EED: variants seen among roughly 807,000 people sequenced by gnomAD.
EED encodes embryonic ectoderm development.
EED carries 9 observed loss-of-function variants against 61.0 expected under a neutral mutation model. That is an observed-to-expected ratio of 0.15 (90% CI 0.09 to 0.26). EED has a LOEUF of 0.26. EED is among the 10% of genes least tolerant of loss of function. The pLI is 1.00. For missense variants in EED, 315 were observed against 542.3 expected (o/e 0.58, Z 4.16); for synonymous variants, 187 against 174.4 (o/e 1.07, Z -0.57).
intron 2 of EED, among the ~76,000 whole-genome samples, 167 bp from the exon 3 acceptor site, chr11:86,251,981 A>G (rs1414136347): frequency 6.6e-6 from 1 of 152,244 alleles, no homozygotes; most frequent in Non-Finnish European, 1.5e-5. Flanking sequence ...AAATGTGAAA[A>G]CTAGACTAGT....
intron 6 of EED, among the ~76,000 whole-genome samples, chr11:86,260,004 G>A (rs1427527407): frequency 2.0e-5 from 3 of 152,160 alleles, no homozygotes; most frequent in African/African-American, 4.8e-5. Flanking sequence ...ATATCCTAGG[G>A]TTGTGTGGGT....
At chr11:86,277,288 A>C in intron 10 of EED, 150 bp downstream of exon 10, 1 of 667,894 alleles carries the variant, frequency 1.5e-6, no homozygotes, top group Admixed American at 3.4e-5. Context: ...GTCATTCATC[A>C]AATACTTTGG....
At chr11:86,263,259 C>G (rs1274298973) in intron 6 of EED, among the ~76,000 whole-genome samples, 3 of 152,230 alleles carry the variant, frequency 2.0e-5, no homozygotes, top group Non-Finnish European at 4.4e-5. Flanking sequence ...GATAAAGGCT[C>G]TGCCTGAAGC....
intron 6 of EED, among the ~76,000 whole-genome samples, chr11:86,257,889 A>AT (rs1469525444): frequency 1.3e-5 from 2 of 151,952 alleles, no homozygotes; most frequent in East Asian, 1.9e-4. Flanking sequence ...AATCCTTCTC[A>AT]TTTTTTTCTT....
chr11:86,255,427 C>T (rs1945643646), intron 4 of EED, 140 bp downstream of exon 4: 3 of 658,500 alleles, frequency 4.6e-6, no homozygotes, highest in Non-Finnish European at 7.5e-6. Flanking sequence ...CCAAGAGAAT[C>T]CTGTATCTAG....
At chr11:86,264,294 C>A in intron 7 of EED, 31 bp downstream of exon 7, 2 of 1,518,450 alleles carry the variant, frequency 1.3e-6, no homozygotes, top group Non-Finnish European at 9.1e-7. Flanking sequence ...CAATGACTTT[C>A]AGGTTTACAT....
At chr11:86,286,971 CA>C in the EED span, among the ~76,000 whole-genome samples, 2,975 of 68,148 alleles carry the variant, frequency 0.044, 6 homozygotes, top group African/African-American at 0.067. Flanking sequence ...GACTCCGTCT[CA>C]AAAAAAAAAA....
intron 1 of EED, among the ~76,000 whole-genome samples, chr11:86,248,708 T>C (rs1945450428): frequency 6.6e-6 from 1 of 152,120 alleles, no homozygotes; most frequent in South Asian, 2.1e-4. Context: ...TACATGTCTA[T>C]CAGTTATTCA....
At chr11:86,249,099 T>C (rs1175112455) in intron 1 of EED, among the ~76,000 whole-genome samples, 5 of 152,206 alleles carry the variant, frequency 3.3e-5, no homozygotes. Context: ...TCCACTGAGA[T>C]ACAGAATTGT....
At chr11:86,266,470 A>G (rs992863916) in intron 8 of EED, among the ~76,000 whole-genome samples, 1 of 152,048 alleles carries the variant, frequency 6.6e-6, no homozygotes, top group Non-Finnish European at 1.5e-5. Flanking sequence ...ACTTATTTGT[A>G]TTTTGGTATG....
chr11:86,260,928 T>G (rs1302868776), intron 6 of EED, among the ~76,000 whole-genome samples: 3 of 152,120 alleles, frequency 2.0e-5, no homozygotes, highest in Non-Finnish European at 4.4e-5. Flanking sequence ...TTTTTTTTTT[T>G]TAATATATAA....
At chr11:86,268,195 G>T (rs1398197816) in intron 8 of EED, 2 of 255,892 alleles carry the variant, frequency 7.8e-6, no homozygotes, top group Non-Finnish European at 1.5e-5. Flanking sequence ...ATAGTAAAAC[G>T]CAGGAAACTA....
Position 86,256,399 on chromosome 11 carries a change from T to C in EED, c.439T>C (p.Phe147Leu). The C allele has an allele frequency of 6.3e-7, 1 of 1,586,180 alleles. No homozygotes were observed. Reference protein sequence around the residue: ...SYVDADADENFYTCAWTYDSN... With the variant: ...SYVDADADENLYTCAWTYDSN... ...TGGAATTTCTTAGGCTGATGAAAAC[T>C]TTTACACTTGTGCATGGACCTATGA... The change falls in exon 5 of 12, where the codon TTT becomes CTT. Residue 147 changes from phenylalanine (F) to leucine (L), a missense_variant. Physicochemically the swap from Phe to Leu is conservative, Grantham distance 22 (BLOSUM62 0). Around this residue, in one of 2 missense-constraint regions of EED, gnomAD observed 205 missense variants for 455.4 expected, o/e 0.45. Coordinates refer to ENST00000263360, the MANE Select transcript of EED (RefSeq NM_003797.5).
downstream of EED, among the ~76,000 whole-genome samples, chr11:86,281,489 T>C (rs1191006336): frequency 2.6e-5 from 4 of 152,206 alleles, no homozygotes; most frequent in Non-Finnish European, 5.9e-5. Flanking sequence ...GTTTGTTCTT[T>C]TTCTAGTTCC....
At chr11:86,262,390 A>G (rs1272631400) in intron 6 of EED, among the ~76,000 whole-genome samples, 1 of 152,162 alleles carries the variant, frequency 6.6e-6, no homozygotes, top group Non-Finnish European at 1.5e-5. Flanking sequence ...GCCTTCCACA[A>G]AGTCCTAGGG....
chr11:86,284,414 A>G, the EED span: 4 of 152,222 alleles, frequency 2.6e-5, no homozygotes, highest in Admixed American at 1.3e-4. Flanking sequence ...CATGGACCTC[A>G]TTTCCTTCCT....
chr11:86,275,620 G>A (rs1032275678), intron 9 of EED, among the ~76,000 whole-genome samples: 8 of 152,100 alleles, frequency 5.3e-5, no homozygotes, highest in African/African-American at 1.7e-4. Context: ...TTCTTCACCG[G>A]TGCAGTTAGT....
intron 8 of EED, chr11:86,268,201 A>C: frequency 3.5e-6 from 1 of 281,994 alleles, no homozygotes; most frequent in Non-Finnish European, 6.5e-6. Flanking sequence ...AAACGCAGGA[A>C]ACTACAATGT....
intron 9 of EED, among the ~76,000 whole-genome samples, chr11:86,273,407 TCA>T (rs1296820890): frequency 6.6e-6 from 1 of 152,262 alleles, no homozygotes; most frequent in East Asian, 1.9e-4. Flanking sequence ...GAGAACCATA[TCA>T]GTTTTTTTGT....
Sources: gnomAD v4.1 joint callset for allele counts (sites outside exome capture counted in the v4.1 genomes callset) on GRCh38, gnomAD v4.1.1 for gene constraint, gnomAD v4.1.1 regional missense constraint, MANE v1.5 for transcripts, NCBI Gene and HGNC (gene_info 2026-07-23, HGNC 2026-07-21) for gene names.